METTL21A: variants seen among roughly 807,000 people sequenced by gnomAD.
METTL21A encodes methyltransferase 21A, HSPA lysine, also known as protein N-lysine methyltransferase METTL21A.
Under a neutral mutation model 20.9 loss-of-function variants are expected in METTL21A, and 22 were observed. The observed-to-expected ratio is 1.05, with a 90% CI of 0.75 to 1.50. METTL21A has a LOEUF of 1.50. METTL21A is among the 40% of genes most tolerant of loss of function. The pLI is 0.00. For missense variants in METTL21A, 271 were observed against 266.8 expected (o/e 1.02, Z -0.11); for synonymous variants, 93 against 102.0 (o/e 0.91, Z 0.53).
chr2:207,585,012 C>T (rs1346781590), intron 3 of METTL21A, among the ~76,000 whole-genome samples: 1 of 151,800 alleles, frequency 6.6e-6, no homozygotes, highest in Non-Finnish European at 1.5e-5. Context: ...CACTTACACA[C>T]GTCTAGGAGC....
chr2:207,618,083 C>T (rs2090008642), intron 3 of METTL21A, among the ~76,000 whole-genome samples: 1 of 152,188 alleles, frequency 6.6e-6, no homozygotes, highest in Non-Finnish European at 1.5e-5. Context: ...GATTTGCACT[C>T]GAATTACAGG....
Position 207,602,806 on chromosome 2 carries a change from G to A in METTL21A, c.259+19000C>T, listed in dbSNP as rs189904488. 4.1e-3 allele frequency: 893 copies of A among 217,384 alleles called. 3 individuals carry two copies. The highest frequency in any genetic ancestry group is 4.5e-3 in the Admixed American group (77 of 17,234). 13.5% of individuals were successfully genotyped at this position (217,384 alleles called of 1,614,324 possible). ...TTTTTTTTGAGTATAGATTTATTAG[G>A]GGTGGCAAAGAAGAGTGCTAGTTAG... On this transcript the variant is annotated intron_variant, in intron 3 of 3. Coordinates refer to the METTL21A transcript ENST00000425132.
chr2:207,592,740 G>GA (rs2085304517), intron 3 of METTL21A, among the ~76,000 whole-genome samples: 1 of 152,002 alleles, frequency 6.6e-6, no homozygotes, highest in Non-Finnish European at 1.5e-5. Context: ...CCAACATGGT[G>GA]AAACCCCGTC....
intron 3 of METTL21A, 110 bp from the exon 4 acceptor site, chr2:207,613,553 CAT>C: frequency 1.0e-6 from 1 of 986,364 alleles, no homozygotes; most frequent in Non-Finnish European, 1.5e-6. Context: ...ATCTGATATG[CAT>C]AATATCAATC....
At chr2:207,618,958 T>C (rs142837362) in intron 3 of METTL21A, among the ~76,000 whole-genome samples, 23 of 152,208 alleles carry the variant, frequency 1.5e-4, no homozygotes, top group Non-Finnish European at 2.9e-4. Context: ...CCATTAGCTT[T>C]GTGACCTCAG....
chr2:207,603,441 CT>C, intron 3 of METTL21A: 1 of 225,050 alleles, frequency 4.4e-6, no homozygotes. Context: ...CTGTAAGTCT[CT>C]TTTTTGGGGA....
chr2:207,596,125 ATTTTGAG>A (rs1164989072), intron 3 of METTL21A, among the ~76,000 whole-genome samples: 1 of 152,152 alleles, frequency 6.6e-6, no homozygotes, highest in African/African-American at 2.4e-5. Flanking sequence ...TCTTTGATCT[ATTTTGAG>A]TTAATATTTG....
At chr2:207,591,515 C>T (rs2085023097) in intron 3 of METTL21A, among the ~76,000 whole-genome samples, 1 of 152,162 alleles carries the variant, frequency 6.6e-6, no homozygotes. Context: ...TCACTGCAAC[C>T]TCCACCTCCC....
intron 3 of METTL21A, among the ~76,000 whole-genome samples, chr2:207,603,815 G>C (rs1402539756): frequency 6.6e-6 from 1 of 152,192 alleles, no homozygotes; most frequent in Non-Finnish European, 1.5e-5. Context: ...AAGGAAAGGG[G>C]AGGGGATATG....
chr2:207,616,126 G>A (rs1484163799), intron 3 of METTL21A, among the ~76,000 whole-genome samples: 2 of 151,770 alleles, frequency 1.3e-5, no homozygotes, highest in Non-Finnish European at 2.9e-5. Flanking sequence ...TGAGCAATGA[G>A]CCATGGTCAT....
intron 3 of METTL21A, chr2:207,599,949 C>T (rs1347618149): frequency 1.0e-5 from 2 of 192,882 alleles, no homozygotes; most frequent in African/African-American, 4.6e-5. Flanking sequence ...AATATAGGGC[C>T]ATGTGGCACT....
exon 4 of METTL21A, chr2:207,612,941 T>G: frequency 8.0e-7 from 1 of 1,254,150 alleles, no homozygotes; most frequent in Non-Finnish European, 1.1e-6. Flanking sequence ...AACCTTTGGC[T>G]TAGACTTTTT....
chr2:207,619,175 T>C (rs1197587774), intron 3 of METTL21A, among the ~76,000 whole-genome samples: 1 of 4,394 alleles, frequency 2.3e-4, no homozygotes, highest in Non-Finnish European at 3.8e-4. Context: ...TAGCACCGCT[T>C]TTTTTTTTTT....
chr2:207,619,487 C>CT (rs2090209645), intron 3 of METTL21A, among the ~76,000 whole-genome samples: 1 of 152,186 alleles, frequency 6.6e-6, no homozygotes, highest in South Asian at 2.1e-4. Flanking sequence ...CAACCTAACA[C>CT]TTTGTAGTGA....
chr2:207,624,617 AG>A (rs1446689373), intron 1 of METTL21A: 2 of 400,888 alleles, frequency 5.0e-6, no homozygotes, highest in East Asian at 4.9e-5. Context: ...TTGGGGAAGA[AG>A]AAAAAAAAAG....
At chr2:207,585,630 T>C (rs2083683785) in intron 3 of METTL21A, among the ~76,000 whole-genome samples, 1 of 152,104 alleles carries the variant, frequency 6.6e-6, no homozygotes, top group Non-Finnish European at 1.5e-5. Flanking sequence ...AATAATGATC[T>C]TAAGAAAACT....
Position 207,603,307 on chromosome 2 carries a change from G to A in METTL21A, c.259+18499C>T, listed in dbSNP as rs1356326115. ...TGCTTTGTATATTAAAGTGATCCTT[G>A]TGAATTTGTGAAATATTGTCATAAA... On this transcript the variant is annotated intron_variant, in intron 3 of 3. Transcript: ENST00000425132. 5 of 222,862 alleles carry A rather than the reference G, an allele frequency of 2.2e-5. No individual in the cohort carries two copies. In the East Asian group the frequency reaches 3.3e-4, roughly 15 times the overall value. The allele number at this position is 222,862 out of a possible 1,614,324, so 13.8% of individuals were successfully genotyped here.
chr2:207,582,847 G>C (rs1187732362), intron 3 of METTL21A: 2 of 336,714 alleles, frequency 5.9e-6, no homozygotes, highest in Admixed American at 7.0e-5. Flanking sequence ...GAGCTGAGAT[G>C]GCACTACTAC....
chr2:207,591,568 G>T (rs1331593385), intron 3 of METTL21A, among the ~76,000 whole-genome samples: 1 of 152,098 alleles, frequency 6.6e-6, no homozygotes. Context: ...AAATAGCTAG[G>T]ATTACAGGTG....
Sources: allele counts gnomAD v4.1 joint callset (sites outside exome capture counted in the v4.1 genomes callset), GRCh38; gene constraint gnomAD v4.1.1; transcripts MANE v1.5; gene names NCBI Gene and HGNC (gene_info 2026-07-23, HGNC 2026-07-21).